CLSTN2: variants seen among roughly 807,000 people sequenced by gnomAD.
CLSTN2 encodes the protein calsyntenin 2.
In CLSTN2, 48 loss-of-function variants were observed where a neutral mutation model predicts 101.2. The ratio of observed to expected loss-of-function variants is 0.47; its 90% confidence interval spans 0.38 to 0.60. The LOEUF (loss-of-function observed/expected upper bound fraction) is 0.60. Among genes scored for constraint, CLSTN2 ranks in the 20% least tolerant of loss-of-function variants. The pLI, the probability that CLSTN2 is intolerant of heterozygous loss-of-function variation, is 0.00. For missense variants in CLSTN2, 1,160 were observed against 1,238.2 expected, an observed-to-expected ratio of 0.94 and a Z score of 0.95; for synonymous variants, 481 against 463.6, an observed-to-expected ratio of 1.04 and a Z score of -0.48.
chr3:139,991,949 C>T lies in CLSTN2; in HGVS notation c.109+56466C>T, dbSNP rs539027824. ...CTAATAAGGAGAGGGATTTACTCCA[C>T]AGCAGCTTTGACATCAGTCTTATAA... On this transcript the variant is annotated intron_variant, in intron 1 of 16. Transcript: ENST00000458420. Among the ~76,000 whole-genome samples, 5 of 152,312 alleles carry T rather than the reference C, an allele frequency of 3.3e-5. No individual in the cohort carries two copies. In the South Asian group the frequency reaches 8.3e-4, roughly 25 times the overall value.
intron 2 of CLSTN2, among the ~76,000 whole-genome samples, chr3:140,273,017 C>A (rs186673600): frequency 8.5e-5 from 13 of 152,250 alleles, no homozygotes; most frequent in Admixed American, 3.9e-4. Context: ...TATTCAGAGT[C>A]AGACAAAGAA....
chr3:140,146,021 G>GAAGA (rs2009776175), intron 1 of CLSTN2, among the ~76,000 whole-genome samples: 1 of 152,222 alleles, frequency 6.6e-6, no homozygotes, highest in Non-Finnish European at 1.5e-5. Flanking sequence ...GTCATAAAAT[G>GAAGA]CTTGGAGCCA....
intron 1 of CLSTN2, among the ~76,000 whole-genome samples, chr3:140,100,718 G>A (rs1017464641): frequency 5.3e-5 from 8 of 152,232 alleles, no homozygotes; most frequent in East Asian, 1.9e-4. Flanking sequence ...TTTCACGCAT[G>A]TGTACAGCAG....
chr3:140,005,403 G>A lies in CLSTN2; in HGVS notation c.109+69920G>A, dbSNP rs201443816. On this transcript the variant is annotated intron_variant, in intron 1 of 16. Transcript: ENST00000458420. ...CTTGGCTTTATTCCCTGCATTTGGTGTTGATCCAGCCTCTTGTTAAATTTC... is the reference window on the plus strand; with the variant it reads ...CTTGGCTTTATTCCCTGCATTTGGTATTGATCCAGCCTCTTGTTAAATTTC... 2.0e-5 allele frequency among the ~76,000 whole-genome samples: 3 copies of A among 152,270 alleles called. No individual in the cohort carries two copies. The East Asian group carries it at 5.8e-4, about 29-fold the overall frequency.
At chr3:140,326,161 T>A (rs115851479) in intron 2 of CLSTN2, among the ~76,000 whole-genome samples, 186 of 152,322 alleles carry the variant, frequency 1.2e-3, no homozygotes, top group African/African-American at 4.2e-3. Context: ...AATGCCACCA[T>A]TATGGCTTTA....
chr3:140,493,812 C>T (rs1481836320), intron 8 of CLSTN2, among the ~76,000 whole-genome samples: 1 of 152,172 alleles, frequency 6.6e-6, no homozygotes, highest in Non-Finnish European at 1.5e-5. Flanking sequence ...ATTGAAATGG[C>T]TTATCTTAGC....
At chr3:139,997,868 G>A (rs111960873) in intron 1 of CLSTN2, among the ~76,000 whole-genome samples, 6,555 of 152,050 alleles carry the variant, frequency 0.043, 157 homozygotes, top group Non-Finnish European at 0.051. Context: ...AAACATCAGC[G>A]TATTTCTAAG....
At chr3:139,978,840 G>C (rs1576384161) in intron 1 of CLSTN2, among the ~76,000 whole-genome samples, 1 of 152,114 alleles carries the variant, frequency 6.6e-6, no homozygotes, top group Admixed American at 6.5e-5. Flanking sequence ...TAATGAAAGA[G>C]TTGGCTAAAA....
intron 2 of CLSTN2, among the ~76,000 whole-genome samples, chr3:140,371,020 A>C (rs62268032): frequency 1.2e-3 from 185 of 152,314 alleles, no homozygotes; most frequent in Non-Finnish European, 2.0e-3. Flanking sequence ...CCTCATAAAA[A>C]TTTAAACACC....
At chr3:139,992,693 C>T (rs7615121) in intron 1 of CLSTN2, among the ~76,000 whole-genome samples, 1 of 152,022 alleles carries the variant, frequency 6.6e-6, no homozygotes, top group Non-Finnish European at 1.5e-5. Context: ...ATTCTAGGAG[C>T]GGACATGGGA....
intron 2 of CLSTN2, among the ~76,000 whole-genome samples, chr3:140,291,399 C>T (rs545388391): frequency 7.2e-5 from 11 of 152,020 alleles, no homozygotes; most frequent in Non-Finnish European, 1.2e-4. Context: ...TCCCCTCCCC[C>T]CCCAACTTTC....
intron 8 of CLSTN2, among the ~76,000 whole-genome samples, chr3:140,520,639 G>T (rs1935004433): frequency 6.6e-6 from 1 of 152,196 alleles, no homozygotes; most frequent in African/African-American, 2.4e-5. Context: ...ACCATATCAA[G>T]AGTCTTGGGT....
At chr3:140,352,105 C>T (rs185103291) in intron 2 of CLSTN2, among the ~76,000 whole-genome samples, 1 of 152,232 alleles carries the variant, frequency 6.6e-6, no homozygotes, top group East Asian at 1.9e-4. Context: ...GGTTTTTCTG[C>T]TTAAAAACTA....
intron 1 of CLSTN2, among the ~76,000 whole-genome samples, chr3:140,105,136 A>T (rs2009034270): frequency 6.6e-6 from 1 of 152,236 alleles, no homozygotes. Flanking sequence ...AGAGAGCAAC[A>T]AGTTTATCAA....
At chr3:140,500,856 T>A (rs1466171116) in intron 8 of CLSTN2, among the ~76,000 whole-genome samples, 2 of 152,242 alleles carry the variant, frequency 1.3e-5, no homozygotes, top group African/African-American at 2.4e-5. Flanking sequence ...ATTAGTGCTG[T>A]TGCCATTAAC....
At chr3:140,399,807 G>A (rs746014034) in intron 2 of CLSTN2, among the ~76,000 whole-genome samples, 4 of 151,894 alleles carry the variant, frequency 2.6e-5, no homozygotes, top group Non-Finnish European at 4.4e-5. Context: ...GATTGATCAC[G>A]TCACCAAGAA....
At chr3:139,984,990 T>C (rs900966588) in intron 1 of CLSTN2, among the ~76,000 whole-genome samples, 3 of 152,180 alleles carry the variant, frequency 2.0e-5, no homozygotes, top group African/African-American at 7.2e-5. Flanking sequence ...CCAGTAACAA[T>C]GCCATCAGCT....
intron 1 of CLSTN2, among the ~76,000 whole-genome samples, chr3:140,124,623 T>A (rs1309255043): frequency 8.5e-5 from 13 of 152,210 alleles, no homozygotes; most frequent in African/African-American, 3.1e-4. Flanking sequence ...ATAACCGGGA[T>A]GGAGAAGATT....
At chr3:140,536,410 G>A (rs1398036518) in intron 9 of CLSTN2, among the ~76,000 whole-genome samples, 1 of 152,128 alleles carries the variant, frequency 6.6e-6, no homozygotes, top group Non-Finnish European at 1.5e-5. Context: ...CAATCTGCAA[G>A]ACCATAGCAT....
Sources: gnomAD v4.1 joint callset for allele counts (sites outside exome capture counted in the v4.1 genomes callset) on GRCh38, gnomAD v4.1.1 for gene constraint, MANE v1.5 for transcripts, NCBI Gene and HGNC (gene_info 2026-07-23, HGNC 2026-07-21) for gene names.